The following ZFAND4 variants were observed in gnomAD, a reference collection of about 807,000 sequenced individuals.
The protein encoded by ZFAND4 is AN1-type zinc finger protein 4.
ZFAND4 carries 43 observed loss-of-function variants against 64.4 expected under a neutral mutation model. The observed-to-expected ratio is 0.67, with a 90% CI of 0.52 to 0.86. ZFAND4 has a LOEUF of 0.86. Among genes scored for constraint, ZFAND4 ranks in the 40% least tolerant of loss-of-function variants. The pLI is 0.00. For missense variants in ZFAND4, 929 were observed against 859.8 expected, an observed-to-expected ratio of 1.08 and a Z score of -1.01; for synonymous variants, 296 against 305.7, an observed-to-expected ratio of 0.97 and a Z score of 0.33.
chr10:45,665,931 T>C (rs576053376), intron 1 of ZFAND4, among the ~76,000 whole-genome samples: 2 of 152,370 alleles, frequency 1.3e-5, no homozygotes, highest in East Asian at 3.9e-4. Context: ...AATAGTCCCC[T>C]GTAGCAATAT....
chr10:45,643,669 CAA>C (rs755281191), intron 5 of ZFAND4, among the ~76,000 whole-genome samples: 2,115 of 55,932 alleles, frequency 0.038, 32 homozygotes, highest in African/African-American at 0.11. Flanking sequence ...GACTCCATCT[CAA>C]AAAAAAAAAA....
Position 45,648,819 on chromosome 10 carries a change from T to G in ZFAND4, c.329-285A>C, listed in dbSNP as rs1046018256. ...TTGTCCTATGCCATTATAGTCTATA[T>G]TTTTTCCCTATGTCACTAGAGTCTG... On this transcript the variant is annotated intron_variant, in intron 4 of 9. Transcript: ENST00000344646. The G allele has an allele frequency of 5.2e-6, 3 of 582,230 alleles. No individual in the cohort carries two copies. In the Admixed American group the frequency reaches 2.1e-4, roughly 40 times the overall value. 36.1% of individuals were successfully genotyped at this position (582,230 alleles called of 1,614,324 possible). A position where few individuals can be genotyped will look rare whatever the true frequency, so the allele number is the denominator to read the frequency against.
intron 6 of ZFAND4, among the ~76,000 whole-genome samples, chr10:45,634,096 TAATA>T (rs1421295286): frequency 1.4e-5 from 2 of 143,146 alleles, no homozygotes; most frequent in East Asian, 2.1e-4. Context: ...AGGAGATACA[TAATA>T]AATAAAGTAC....
chr10:45,654,580 C>T (rs1589399427), intron 2 of ZFAND4, among the ~76,000 whole-genome samples: 1 of 151,452 alleles, frequency 6.6e-6, no homozygotes, highest in East Asian at 1.9e-4. Context: ...GATTGCGCCA[C>T]TGCACTCCAG....
At chr10:45,671,895 A>C (rs1210999622) in intron 1 of ZFAND4, among the ~76,000 whole-genome samples, 2 of 152,144 alleles carry the variant, frequency 1.3e-5, no homozygotes, top group African/African-American at 4.8e-5. Flanking sequence ...ACACAACTCC[A>C]AGGATGAAAT....
chr10:45,620,313 T>C (rs1326838888), intron 8 of ZFAND4, among the ~76,000 whole-genome samples: 1 of 152,148 alleles, frequency 6.6e-6, no homozygotes, highest in African/African-American at 2.4e-5. Flanking sequence ...AAACTCCGTC[T>C]CTACTAAAAA....
In ZFAND4 at chr10:45,648,278, A is replaced by G; in HGVS notation, c.569+16T>C. The G allele has an allele frequency of 6.4e-7, 1 of 1,569,768 alleles. No homozygotes were observed. Among genetic ancestry groups the G allele is most frequent in the East Asian group, 2.3e-5 (1 of 44,306 alleles). On this transcript the variant is annotated intron_variant, in intron 5 of 9. Coordinates refer to ENST00000344646, the MANE Select transcript of ZFAND4 (RefSeq NM_174890.4). ...TTATTTTGACAACACAAGGTAAACA[A>G]AAGTTTATGGAGTACCTCATACGAT... is the stretch of plus-strand genomic sequence containing the variant.
At chr10:45,644,974 CTTT>C (rs71515371) in intron 5 of ZFAND4, among the ~76,000 whole-genome samples, 2 of 130,938 alleles carry the variant, frequency 1.5e-5, no homozygotes, top group Admixed American at 7.8e-5. Flanking sequence ...CATGTAAGGT[CTTT>C]TTTTTTTTTT....
Position 45,626,190 on chromosome 10 carries a change from C to T in ZFAND4, c.1633G>A (p.Glu545Lys), listed in dbSNP as rs748834605. Residue 545 changes from glutamate (E) to lysine (K), a missense_variant, in exon 7 of 10, where the codon GAG becomes AAG. Physicochemically the swap from Glu to Lys is moderately conservative, Grantham distance 56. Transcript: ENST00000344646. The part of the protein sequence containing the change: ...GKRSDVISKV[E>K]ARDITEMTNK... The stretch of plus-strand genomic sequence containing the variant: ...GTCATTTCTGTGATATCCCGAGCCT[C>T]AACTTTGGAAATAACATCAGATCTT... 1.2e-6 allele frequency: 2 copies of T among 1,614,162 alleles called. No homozygotes were observed. Among genetic ancestry groups the T allele is most frequent in the East Asian group, 4.5e-5 (2 of 44,890 alleles).
chr10:45,621,550 G>A (rs1209278707), intron 8 of ZFAND4, among the ~76,000 whole-genome samples: 1 of 152,010 alleles, frequency 6.6e-6, no homozygotes, highest in Non-Finnish European at 1.5e-5. Flanking sequence ...AGACCATCCT[G>A]GCTAACACAG....
chr10:45,662,372 T>C, intron 2 of ZFAND4, among the ~76,000 whole-genome samples: 1 of 152,208 alleles, frequency 6.6e-6, no homozygotes, highest in East Asian at 1.9e-4. Flanking sequence ...TTGACTCTTC[T>C]GACATAAAAA....
intron 5 of ZFAND4, among the ~76,000 whole-genome samples, chr10:45,647,938 CA>C (rs2047501708): frequency 6.6e-6 from 1 of 152,046 alleles, no homozygotes; most frequent in African/African-American, 2.4e-5. Context: ...AGTAGGAAAA[CA>C]AGACCAGAGA....
At chr10:45,665,655 C>T (rs2048778342) in intron 1 of ZFAND4, among the ~76,000 whole-genome samples, 2 of 150,912 alleles carry the variant, frequency 1.3e-5, no homozygotes, top group African/African-American at 5.0e-5. Context: ...GCAACAATCA[C>T]CACATTTGCT....
intron 9 of ZFAND4, among the ~76,000 whole-genome samples, chr10:45,617,399 GAGA>G (rs1564539015): frequency 6.6e-6 from 1 of 152,048 alleles, no homozygotes; most frequent in Admixed American, 6.5e-5. Context: ...AGGCAAAGGT[GAGA>G]AGATCACTTG....
chr10:45,631,037 G>A (rs376705368), intron 6 of ZFAND4, among the ~76,000 whole-genome samples: 2 of 151,330 alleles, frequency 1.3e-5, no homozygotes, highest in African/African-American at 2.4e-5. Context: ...AAGCTCCAAA[G>A]GCCGGGCGCG....
chr10:45,620,378 G>A (rs943104032), intron 8 of ZFAND4, among the ~76,000 whole-genome samples: 3 of 152,106 alleles, frequency 2.0e-5, no homozygotes, highest in African/African-American at 7.2e-5. Flanking sequence ...CTACTCAGGA[G>A]GCTGAAGCAG....
At chr10:45,629,970 A>C (rs1303153106) in intron 6 of ZFAND4, among the ~76,000 whole-genome samples, 1 of 152,118 alleles carries the variant, frequency 6.6e-6, no homozygotes, top group Non-Finnish European at 1.5e-5. Context: ...TCTTGAAATA[A>C]GAAACTTACT....
chr10:45,644,810 AT>A (rs2047261685), intron 5 of ZFAND4, among the ~76,000 whole-genome samples: 1 of 152,168 alleles, frequency 6.6e-6, no homozygotes, highest in Non-Finnish European at 1.5e-5. Context: ...GTTGGCCCCT[AT>A]GAATAGTCTG....
At chr10:45,667,461 T>TCC (rs1278866186) in intron 1 of ZFAND4, among the ~76,000 whole-genome samples, 1 of 63,898 alleles carries the variant, frequency 1.6e-5, no homozygotes, top group Non-Finnish European at 3.1e-5. Flanking sequence ...TTTCTTTCTT[T>TCC]TTTTTTTTTT....
Sources: gnomAD v4.1 joint callset for allele counts (sites outside exome capture counted in the v4.1 genomes callset) on GRCh38, gnomAD v4.1.1 for gene constraint, MANE v1.5 for transcripts, NCBI Gene and HGNC (gene_info 2026-07-23, HGNC 2026-07-21) for gene names.